Variants in ROBO1 observed in about 807,000 individuals in gnomAD.
ROBO1 encodes roundabout homolog 1.
A neutral mutation model predicts 195.9 loss-of-function variants in ROBO1; 149 were observed. The ratio of observed to expected loss-of-function variants is 0.76; its 90% CI spans 0.67 to 0.87. ROBO1 has a LOEUF of 0.87. Ranked by LOEUF, ROBO1 falls within the 40% of genes least tolerant of loss-of-function variation. ROBO1 has a pLI of 0.00. For synonymous variants in ROBO1, 816 were observed against 733.2 expected (o/e 1.11, Z -1.82); for missense variants, 1,933 against 2,068.3 (o/e 0.93, Z 1.27).
At chr3:79,621,116 C>T (rs536715196) in intron 1 of ROBO1, among the ~76,000 whole-genome samples, 2 of 152,308 alleles carry the variant, frequency 1.3e-5, no homozygotes, top group Admixed American at 6.5e-5. Context: ...TTCCCTTTCA[C>T]TTGGACTGAC....
At chr3:78,733,107 T>C (rs1170592645) in intron 5 of ROBO1, among the ~76,000 whole-genome samples, 1 of 152,180 alleles carries the variant, frequency 6.6e-6, no homozygotes, top group African/African-American at 2.4e-5. Flanking sequence ...AGAATCAGCA[T>C]TTGATTGAGG....
chr3:79,523,468 T>C (rs935093421), intron 2 of ROBO1, among the ~76,000 whole-genome samples: 3 of 126,904 alleles, frequency 2.4e-5, no homozygotes, highest in African/African-American at 9.9e-5. Flanking sequence ...TTTCTTTTTT[T>C]TTTCTTTTTT....
intron 1 of ROBO1, among the ~76,000 whole-genome samples, chr3:79,744,863 T>TA (rs1019807373): frequency 3.3e-5 from 5 of 152,064 alleles, no homozygotes; most frequent in African/African-American, 7.2e-5. Flanking sequence ...TGATGAATGA[T>TA]AAAAAATTAC....
intron 1 of ROBO1, among the ~76,000 whole-genome samples, chr3:79,645,946 C>T (rs186371252): frequency 1.3e-5 from 2 of 152,026 alleles, no homozygotes; most frequent in East Asian, 1.9e-4. Context: ...GTATTAAAGA[C>T]TTAAAGGCAG....
At chr3:79,563,795 G>A (rs1440695626) in intron 2 of ROBO1, among the ~76,000 whole-genome samples, 1 of 151,952 alleles carries the variant, frequency 6.6e-6, no homozygotes, top group Non-Finnish European at 1.5e-5. Context: ...TCTATTTAAT[G>A]CAGAAAACTG....
chr3:78,738,861 A>AT (rs2108237380), intron 5 of ROBO1, among the ~76,000 whole-genome samples: 1 of 152,346 alleles, frequency 6.6e-6, no homozygotes, highest in Non-Finnish European at 1.5e-5. Flanking sequence ...AGTAGATGAA[A>AT]TGAAAAAAAT....
chr3:79,252,053 G>A (rs1176308789), intron 2 of ROBO1, among the ~76,000 whole-genome samples: 1 of 151,794 alleles, frequency 6.6e-6, no homozygotes, highest in East Asian at 1.9e-4. Flanking sequence ...AATATGTTGT[G>A]TGATGGCAAC....
At chr3:79,096,748 G>GTATGTA (rs535168326) in intron 3 of ROBO1, among the ~76,000 whole-genome samples, 86 of 150,724 alleles carry the variant, frequency 5.7e-4, no homozygotes, top group Non-Finnish European at 1.0e-3. Flanking sequence ...GTGTGTGTGT[G>GTATGTA]TATGTATATG....
At chr3:78,836,476 C>A (rs2032730711) in intron 4 of ROBO1, among the ~76,000 whole-genome samples, 1 of 140,300 alleles carries the variant, frequency 7.1e-6, no homozygotes, top group Non-Finnish European at 1.5e-5. Context: ...CATGCCACTG[C>A]ACTCCAGCCT....
intron 5 of ROBO1, among the ~76,000 whole-genome samples, chr3:78,725,656 T>C (rs2082144563): frequency 6.6e-6 from 1 of 152,346 alleles, no homozygotes; most frequent in Admixed American, 6.5e-5. Context: ...CTAGCATCAG[T>C]ATTCTTATTT....
At chr3:79,262,006 G>A (rs1247922149) in intron 2 of ROBO1, among the ~76,000 whole-genome samples, 1 of 151,980 alleles carries the variant, frequency 6.6e-6, no homozygotes, top group African/African-American at 2.4e-5. Context: ...AGGCAAAATT[G>A]ATTAAACATA....
intron 1 of ROBO1, among the ~76,000 whole-genome samples, chr3:79,763,306 T>C (rs1046580688): frequency 6.6e-6 from 1 of 152,122 alleles, no homozygotes; most frequent in African/African-American, 2.4e-5. Context: ...TTATAGTTGA[T>C]GGATAATGTA....
intron 2 of ROBO1, among the ~76,000 whole-genome samples, chr3:79,556,444 A>T (rs2107691685): frequency 6.6e-6 from 1 of 152,172 alleles, no homozygotes; most frequent in East Asian, 1.9e-4. Context: ...GGTAATTAGG[A>T]CTCACACTTG....
At chr3:78,925,584 T>C (rs1448638679) in intron 4 of ROBO1, among the ~76,000 whole-genome samples, 1 of 152,172 alleles carries the variant, frequency 6.6e-6, no homozygotes, top group Non-Finnish European at 1.5e-5. Flanking sequence ...TTTTCATTGA[T>C]GTTGGTTGAA....
At chr3:79,683,245 T>C (rs1947003358) in intron 1 of ROBO1, among the ~76,000 whole-genome samples, 1 of 152,038 alleles carries the variant, frequency 6.6e-6, no homozygotes, top group Non-Finnish European at 1.5e-5. Context: ...TCAGTGTTTT[T>C]CCAGTCCCTG....
intron 8 of ROBO1, among the ~76,000 whole-genome samples, chr3:78,710,595 A>G (rs2081660458): frequency 6.6e-6 from 1 of 152,310 alleles, no homozygotes; most frequent in South Asian, 2.1e-4. Context: ...CCTTATACAA[A>G]GGTTGGTATT....
rs548074043 is a variant in ROBO1, at chr3:78,670,365, C to T, written c.1343-64G>A. 49 of 1,370,106 alleles carry T rather than the reference C, an allele frequency of 3.6e-5. No homozygotes were observed. In the South Asian group the frequency reaches 5.7e-4, roughly 16 times the overall value. 84.9% of individuals were successfully genotyped at this position (1,370,106 alleles called of 1,614,324 possible). A position where few individuals can be genotyped will look rare whatever the true frequency, so the allele number is the denominator to read the frequency against. ...GGAAGCAATTTTCTAATCATCCAAG[C>T]AACAGCAGTTGTTCTAGGCTTTGAA... On this transcript the variant is annotated intron_variant, in intron 10 of 30. Transcript: ENST00000464233.
intron 4 of ROBO1, among the ~76,000 whole-genome samples, chr3:78,781,123 A>G (rs1010853412): frequency 4.6e-5 from 7 of 152,158 alleles, no homozygotes; most frequent in Admixed American, 2.6e-4. Context: ...AACAATGACA[A>G]CAAAACAGCA....
intron 2 of ROBO1, among the ~76,000 whole-genome samples, chr3:79,463,772 G>C (rs1937789508): frequency 6.6e-6 from 1 of 152,112 alleles, no homozygotes; most frequent in East Asian, 1.9e-4. Context: ...CAACTAAAAT[G>C]TTTTATTCTT....
Sources: allele counts gnomAD v4.1 joint callset (sites outside exome capture counted in the v4.1 genomes callset), GRCh38; gene constraint gnomAD v4.1.1; transcripts MANE v1.5; gene names NCBI Gene and HGNC (gene_info 2026-07-23, HGNC 2026-07-21).